RALYL: variants seen among roughly 807,000 people sequenced by gnomAD.
RALYL encodes RALY RNA binding protein like, also known as RNA-binding Raly-like protein.
In RALYL, 29 loss-of-function variants were observed where a neutral mutation model predicts 35.1. The ratio of observed to expected loss-of-function variants is 0.83; its 90% confidence interval spans 0.61 to 1.13. The LOEUF is 1.13. RALYL is among the 50% of genes most tolerant of loss of function. The pLI, the probability that RALYL is intolerant of heterozygous loss-of-function variation, is 0.00. For synonymous variants in RALYL, 120 were observed against 127.6 expected (o/e 0.94, Z 0.40); for missense variants, 359 against 360.4 (o/e 1.00, Z 0.03).
chr8:84,393,860 T>A (rs543536408), intron 1 of RALYL, among the ~76,000 whole-genome samples: 1 of 152,264 alleles, frequency 6.6e-6, no homozygotes, highest in South Asian at 2.1e-4. Context: ...TATATAGTTC[T>A]GAGTATGGCA....
At chr8:84,726,597 A>G (rs2132727642) in intron 2 of RALYL, among the ~76,000 whole-genome samples, 1 of 151,930 alleles carries the variant, frequency 6.6e-6, no homozygotes, top group Middle Eastern at 3.4e-3. Context: ...GAAACCATGC[A>G]AAACCTTATA....
chr8:84,580,378 A>C (rs1730827), intron 2 of RALYL, among the ~76,000 whole-genome samples: 45,760 of 152,012 alleles, frequency 0.3, 7,734 homozygotes, highest in African/African-American at 0.47. Context: ...GTGCTGACAT[A>C]TGCTCAGTTT....
rs183082395 is a variant in RALYL, at chr8:84,854,317, G to A, written c.413+4290G>A. 4.3e-4 allele frequency among the ~76,000 whole-genome samples: 66 copies of A among 152,034 alleles called. 2 individuals carry two copies. The highest frequency in any genetic ancestry group is 5.4e-4 in the Non-Finnish European group (37 of 68,004). On this transcript the variant is annotated intron_variant, in intron 5 of 8. Coordinates refer to ENST00000521268, the MANE Select transcript of RALYL (RefSeq NM_173848.7). The stretch of plus-strand genomic sequence containing the variant: ...GCCGAGATCGTGCCACTGCACTCCA[G>A]CCTGGGGACAGAGCGAAACTCCGTC...
chr8:84,283,202 A>G (rs1299557491), intron 1 of RALYL, among the ~76,000 whole-genome samples: 1 of 152,160 alleles, frequency 6.6e-6, no homozygotes, highest in African/African-American at 2.4e-5. Context: ...TGAGTTATGT[A>G]TAAAAGAATT....
intron 1 of RALYL, among the ~76,000 whole-genome samples, chr8:84,188,683 C>CATAATT (rs1362405696): frequency 6.6e-6 from 1 of 152,122 alleles, no homozygotes; most frequent in East Asian, 1.9e-4. Flanking sequence ...AACAAGTTTA[C>CATAATT]ATAATTATAC....
intron 4 of RALYL, among the ~76,000 whole-genome samples, chr8:84,843,158 G>C (rs191134504): frequency 1.2e-3 from 186 of 152,258 alleles, no homozygotes; most frequent in Middle Eastern, 3.4e-3. Context: ...ATTCAATTAG[G>C]AAAAGAGGAA....
intron 2 of RALYL, among the ~76,000 whole-genome samples, chr8:84,683,232 T>G (rs558691779): frequency 6.6e-6 from 1 of 152,330 alleles, no homozygotes; most frequent in African/African-American, 2.4e-5. Flanking sequence ...TCTGTTCTTT[T>G]GCATTTGCTG....
At chr8:84,766,536 A>C (rs1814027101) in intron 2 of RALYL, among the ~76,000 whole-genome samples, 1 of 134,974 alleles carries the variant, frequency 7.4e-6, no homozygotes, top group Admixed American at 7.2e-5. Flanking sequence ...TACTAAAATA[A>C]ATAAATAAAT....
At chr8:84,710,301 T>C (rs1174612230) in intron 2 of RALYL, among the ~76,000 whole-genome samples, 2 of 152,008 alleles carry the variant, frequency 1.3e-5, no homozygotes, top group African/African-American at 2.4e-5. Flanking sequence ...TGTTTGTTTG[T>C]TTGTTTGTTT....
chr8:84,397,336 ATAAT>A (rs1380424981), intron 1 of RALYL, among the ~76,000 whole-genome samples: 3 of 152,214 alleles, frequency 2.0e-5, no homozygotes, highest in African/African-American at 7.2e-5. Flanking sequence ...TAAATGTATG[ATAAT>A]TAGTTACAGA....
At chr8:84,614,608 G>A (rs1819024146) in intron 2 of RALYL, among the ~76,000 whole-genome samples, 1 of 151,420 alleles carries the variant, frequency 6.6e-6, no homozygotes, top group Non-Finnish European at 1.5e-5. Flanking sequence ...TATTAGGTTG[G>A]TACAAATGTA....
chr8:84,562,828 C>T (rs180978131), intron 2 of RALYL, among the ~76,000 whole-genome samples: 19 of 151,996 alleles, frequency 1.3e-4, no homozygotes, highest in African/African-American at 3.9e-4. Flanking sequence ...GGAGGCATTA[C>T]GCTAATCTAC....
rs1327193634 is a variant in RALYL at position 84,260,615 on chromosome 8, T to A, written c.-24+76191T>A. Among the ~76,000 whole-genome samples, 3 of 152,264 alleles carry A rather than the reference T, an allele frequency of 2.0e-5. No individual in the cohort carries two copies. The East Asian group carries it at 5.8e-4, about 29-fold the overall frequency. ...CCCAGCTCAAATTAAAGAGGAGAAG[T>A]TGCCTTTTGAAGAGAGGAGCAATAT... On this transcript the variant is annotated intron_variant, in intron 1 of 8. Coordinates refer to ENST00000521268, the MANE Select transcript of RALYL (RefSeq NM_173848.7).
chr8:84,372,831 C>T (rs1005069768), intron 1 of RALYL, among the ~76,000 whole-genome samples: 1 of 149,242 alleles, frequency 6.7e-6, no homozygotes, highest in African/African-American at 2.5e-5. Flanking sequence ...CTAATTTACA[C>T]TCCCACCAAC....
intron 1 of RALYL, among the ~76,000 whole-genome samples, chr8:84,265,247 A>G (rs1833066533): frequency 6.6e-6 from 1 of 152,176 alleles, no homozygotes; most frequent in Admixed American, 6.5e-5. Context: ...AAGGATATGG[A>G]CGTTGAGATG....
rs1411001745 is a variant in RALYL, at chr8:84,527,697, A to T, written c.-23-1602A>T. Among the ~76,000 whole-genome samples, 8 of 152,300 alleles carry T rather than the reference A, an allele frequency of 5.3e-5. No individual in the cohort carries two copies. The East Asian group carries it at 1.5e-3, about 29-fold the overall frequency. ...AATATCTCAAATTGCAAGATAAAAA[A>T]ATATATATCAACTTTTCTTTCTTCA... On this transcript the variant is annotated intron_variant, in intron 1 of 8. Coordinates refer to ENST00000521268, the MANE Select transcript of RALYL (RefSeq NM_173848.7).
intron 1 of RALYL, among the ~76,000 whole-genome samples, chr8:84,344,287 T>C (rs1849402266): frequency 6.6e-6 from 1 of 152,094 alleles, no homozygotes; most frequent in African/African-American, 2.4e-5. Flanking sequence ...TAGAAAATTT[T>C]ATTATTATTG....
At chr8:84,683,551 T>C (rs983115766) in intron 2 of RALYL, among the ~76,000 whole-genome samples, 3 of 152,100 alleles carry the variant, frequency 2.0e-5, no homozygotes, top group Non-Finnish European at 4.4e-5. Flanking sequence ...ATAAGATTCA[T>C]ACTTGTTCAA....
intron 4 of RALYL, among the ~76,000 whole-genome samples, chr8:84,807,124 C>T (rs1249977858): frequency 6.6e-6 from 1 of 152,156 alleles, no homozygotes; most frequent in Non-Finnish European, 1.5e-5. Flanking sequence ...GCAGTATACA[C>T]TGCATCATAT....
Sources: gnomAD v4.1 joint callset for allele counts (sites outside exome capture counted in the v4.1 genomes callset) on GRCh38, gnomAD v4.1.1 for gene constraint, MANE v1.5 for transcripts, NCBI Gene and HGNC (gene_info 2026-07-23, HGNC 2026-07-21) for gene names.